SPTBN5: variants seen among roughly 807,000 people sequenced by gnomAD.
SPTBN5 encodes spectrin beta chain, non-erythrocytic 5.
In SPTBN5, 513 loss-of-function variants were observed where a neutral mutation model predicts 477.6. The observed-to-expected ratio is 1.07, with a 90% CI of 1.00 to 1.16. The LOEUF (loss-of-function observed/expected upper bound fraction) is 1.16, where lower values mean the gene tolerates loss of function less well. SPTBN5 is among the 50% of genes most tolerant of loss of function. SPTBN5 has a pLI of 0.00. For synonymous variants in SPTBN5, 2,169 were observed against 2,011.7 expected (o/e 1.08, Z -2.09); for missense variants, 5,062 against 4,731.8 (o/e 1.07, Z -2.05).
At chr15:41,852,514 G>A in intron 61 of SPTBN5, 120 bp downstream of exon 61, 1 of 1,335,016 alleles carries the variant, frequency 7.5e-7, no homozygotes, top group Non-Finnish European at 1.1e-6. Context: ...AGCTGGCCAG[G>A]GAAAGGAGCA....
rs371238537 is a variant in SPTBN5, at chr15:41,866,244, G to T, written c.6631-15C>A. On this transcript the variant is annotated splice_polypyrimidine_tract_variant and intron_variant, in intron 37 of 67. Transcript: ENST00000320955. ...GCCTCTCCCTTCTGGAGGGAGAGAG[G>T]GGACACAGGACATCTTGCCTGCTGC... 860 of 1,584,222 alleles carry T rather than the reference G, an allele frequency of 5.4e-4. No homozygotes were observed. Among genetic ancestry groups the T allele is most frequent in the Non-Finnish European group, 7.1e-4 (823 of 1,165,970 alleles).
rs565353763 is a variant in SPTBN5 at position 41,851,385 on chromosome 15, G to A, written c.10657-16C>T. On this transcript the variant is annotated splice_polypyrimidine_tract_variant and intron_variant, in intron 63 of 67. Coordinates refer to ENST00000320955, the MANE Select transcript of SPTBN5 (RefSeq NM_016642.4). ...TCGAGCTAGGCTGTGGAGAGGAGGC[G>A]GGAAGGTCGCATGAGCCACACGCAG... 81 of 1,546,950 alleles carry A rather than the reference G, an allele frequency of 5.2e-5. No homozygotes were observed. The highest frequency in any genetic ancestry group is 2.9e-4 in the African/African-American group (21 of 72,998).
chr15:41,851,965 C>G (rs1595438765), intron 62 of SPTBN5, 115 bp from the exon 63 acceptor site: 1 of 977,500 alleles, frequency 1.0e-6, no homozygotes, highest in East Asian at 2.5e-5. Flanking sequence ...CTAACCAGGC[C>G]TGACCCTGCT....
At chr15:41,853,492 C>T in intron 58 of SPTBN5, 45 bp from the exon 59 acceptor site, 1 of 1,541,042 alleles carries the variant, frequency 6.5e-7, no homozygotes, top group Non-Finnish European at 8.8e-7. Context: ...GGCTGGGGAG[C>T]AGGGGAGGGA....
chr15:41,850,031 T>G, intron 66 of SPTBN5, 72 bp from the exon 67 acceptor site: 1 of 1,266,496 alleles, frequency 7.9e-7, no homozygotes, highest in Non-Finnish European at 1.1e-6. Context: ...GGCTGCTCCT[T>G]CCTCCAGCTT....
At chr15:41,855,797 A>G (rs560962111) in intron 53 of SPTBN5, 52 bp from the exon 54 acceptor site, 7 of 1,468,942 alleles carry the variant, frequency 4.8e-6, no homozygotes, top group East Asian at 2.5e-5. Flanking sequence ...TCCAGGGCTC[A>G]GGATTTACAG....
rs2066313743 is a variant in SPTBN5 at position 41,866,389 on chromosome 15, C to T, written c.6585G>A (p.Glu2195=). Residue 2195 remains glutamate (E), a synonymous_variant, in exon 37 of 68, where the codon GAG becomes GAA. Transcript: ENST00000320955. The stretch of plus-strand genomic sequence containing the variant: ...CCTCCTCATGGGCCTGGACTTCAGC[C>T]TCAAAGGCCTGGTGTTTCAGCAGGG... The part of the protein sequence containing the change: ...LKPLLKHQAF[E]AEVQAHEEVM... 9.3e-6 allele frequency: 15 copies of T among 1,611,526 alleles called. No homozygotes were observed. The highest frequency in any genetic ancestry group is 1.1e-5 in the South Asian group (1 of 90,652).
At chr15:41,856,260 G>A in intron 53 of SPTBN5, 126 bp downstream of exon 53, 3 of 869,220 alleles carry the variant, frequency 3.5e-6, no homozygotes, top group Middle Eastern at 7.2e-4. Flanking sequence ...AAGCCCTTGG[G>A]GGCAGGAGAC....
rs1252203600 is a variant in SPTBN5, at chr15:41,881,956, C to A, written c.2437G>T (p.Ala813Ser). The change falls in exon 12 of 68, where the codon GCC (alanine) becomes TCC (serine). Residue 813 changes from alanine (A) to serine (S), a missense_variant. Coordinates refer to ENST00000320955, the MANE Select transcript of SPTBN5 (RefSeq NM_016642.4). Reference sequence around the variant, plus strand: ...CTCACCGTGAATAACGACGCCCGGGCCGAGGCCGCCCGCCCCTGCTCCTCC... The same window carrying A: ...CTCACCGTGAATAACGACGCCCGGGACGAGGCCGCCCGCCCCTGCTCCTCC... Reference protein sequence around the residue: ...RLEEQGRAASARASLFTVNSA... With the variant: ...RLEEQGRAASSRASLFTVNSA... 2 of 1,528,246 alleles carry A rather than the reference C, an allele frequency of 1.3e-6. No homozygotes were observed. Among genetic ancestry groups the A allele is most frequent in the Non-Finnish European group, 1.7e-6 (2 of 1,146,768 alleles). 94.7% of individuals were successfully genotyped at this position (1,528,246 alleles called of 1,614,324 possible).
chr15:41,877,480 G>A (rs2066782894), intron 17 of SPTBN5, 124 bp from the exon 18 acceptor site: 1 of 1,372,274 alleles, frequency 7.3e-7, no homozygotes. Flanking sequence ...GATAGGCCCA[G>A]CAGAGTGCTT....
At chr15:41,852,458 C>T in intron 61 of SPTBN5, 142 bp from the exon 62 acceptor site, 5 of 1,364,612 alleles carry the variant, frequency 3.7e-6, no homozygotes, top group South Asian at 1.3e-5. Flanking sequence ...AGCTTTGGCT[C>T]TGGAGGCTCA....
rs754114385 is a variant in SPTBN5, at chr15:41,865,915, G to A, written c.6823-12C>T. 7.7e-6 allele frequency: 12 copies of A among 1,560,130 alleles called. No individual in the cohort carries two copies. The Admixed American group carries it at 9.5e-5, about 12-fold the overall frequency. The stretch of plus-strand genomic sequence containing the variant: ...TTCATCTTCACCTCCTGTGAAGGCC[G>A]AGGGTGGGGAGGGAGCGCTGTGAGC... On this transcript the variant is annotated splice_polypyrimidine_tract_variant and intron_variant, in intron 38 of 67. Transcript: ENST00000320955.
At position 41,862,158 on chromosome 15, in the gene SPTBN5, C is replaced by T. The variant is rs760871488; in HGVS notation, c.7520G>A (p.Arg2507His). Reference sequence around the variant, plus strand: ...GCACTCCTGATGCTCTTCTAACATACGCCGGGCTTCCACAGGGCTGCGAGG... The same window carrying T: ...GCACTCCTGATGCTCTTCTAACATATGCCGGGCTTCCACAGGGCTGCGAGG... ...PAPRSPVEARRMLEEHQECKA... is the reference protein window; with the variant it reads ...PAPRSPVEARHMLEEHQECKA... The change falls in exon 44 of 68, where the codon CGT becomes CAT. Residue 2507 changes from arginine to histidine, a missense_variant. Arg to His is a conservative substitution (Grantham distance 29, BLOSUM62 0). Coordinates refer to ENST00000320955, the MANE Select transcript of SPTBN5 (RefSeq NM_016642.4). The T allele has an allele frequency of 5.0e-6, 8 of 1,596,996 alleles. No individual in the cohort carries two copies. The highest frequency in any genetic ancestry group is 2.2e-5 in the South Asian group (2 of 89,274).
chr15:41,855,682 G>C lies in SPTBN5; in HGVS notation c.9085C>G (p.His3029Asp). Residue 3029 changes from histidine (H) to aspartate (D), a missense_variant, in exon 54 of 68, where the codon CAC (histidine) becomes GAC (aspartate). Physicochemically the swap from His to Asp is moderately conservative, Grantham distance 81. Transcript: ENST00000320955. ...AGGGCCTGTGTGGCTTCAGCACTGT[G>C]GCCCATGTCCTCGCTGTCCAGGACA... ...GHVLDSEDMG[H>D]SAEATQALLR... 6.2e-7 allele frequency: 1 copy of C among 1,604,200 alleles called. No homozygotes were observed. The highest frequency in any genetic ancestry group is 8.5e-7 in the Non-Finnish European group (1 of 1,177,380).
intron 16 of SPTBN5, 70 bp from the exon 17 acceptor site, chr15:41,878,699 C>T: frequency 6.7e-7 from 1 of 1,492,512 alleles, no homozygotes; most frequent in Non-Finnish European, 9.0e-7. Flanking sequence ...CATGTCCTCT[C>T]TCCAAACCTG....
At chr15:41,848,693 C>A in intron 67 of SPTBN5, 65 bp from the exon 68 acceptor site, 2 of 1,585,068 alleles carry the variant, frequency 1.3e-6, no homozygotes, top group Non-Finnish European at 1.7e-6. Context: ...CAAACAAACA[C>A]ACACTGGTGC....
At chr15:41,852,015 G>A (rs2065780167) in intron 62 of SPTBN5, 165 bp from the exon 63 acceptor site, 1 of 935,942 alleles carries the variant, frequency 1.1e-6, no homozygotes, top group Non-Finnish European at 1.6e-6. Context: ...TGTTCAGGGT[G>A]GTATGGCTGT....
In SPTBN5 at chr15:41,866,247, A is replaced by G. The variant is rs1342923914; in HGVS notation, c.6631-18T>C. ...TCTCCCTTCTGGAGGGAGAGAGGGG[A>G]CACAGGACATCTTGCCTGCTGCACT... On this transcript the variant is annotated intron_variant, in intron 37 of 67. Transcript: ENST00000320955. The G allele has an allele frequency of 6.3e-7, 1 of 1,583,694 alleles. No individual in the cohort carries two copies. The highest frequency in any genetic ancestry group is 8.6e-7 in the Non-Finnish European group (1 of 1,165,372).
Position 41,854,927 on chromosome 15 carries a change from C to T in SPTBN5, c.9473G>A (p.Gly3158Asp). 1 of 1,584,216 alleles carries T rather than the reference C, an allele frequency of 6.3e-7. No individual in the cohort carries two copies. Among genetic ancestry groups the T allele is most frequent in the Non-Finnish European group, 8.6e-7 (1 of 1,166,790 alleles). ...DAFRKEVQSL[G>D]QAKVYALRKL... is the part of the protein sequence containing the mutation. ...CCTCAGGGCATACACCTTGGCCTGGCCCAGGCTCTGCACTTCCTTTCTGAA... is the reference window on the plus strand; with the variant it reads ...CCTCAGGGCATACACCTTGGCCTGGTCCAGGCTCTGCACTTCCTTTCTGAA... Residue 3158 changes from glycine (G) to aspartate (D), a missense_variant, in exon 56 of 68, where the codon GGC becomes GAC. Physicochemically the swap from Gly to Asp is moderately conservative, Grantham distance 94. Coordinates refer to ENST00000320955, the MANE Select transcript of SPTBN5 (RefSeq NM_016642.4).
Sources: gnomAD v4.1 joint callset for allele counts on GRCh38, gnomAD v4.1.1 for gene constraint, MANE v1.5 for transcripts, NCBI Gene and HGNC (gene_info 2026-07-23, HGNC 2026-07-21) for gene names.